The following GNAO1 variants were observed in gnomAD, a reference collection of about 807,000 sequenced individuals.
The protein encoded by GNAO1 is guanine nucleotide-binding protein G(o) subunit alpha.
For missense variants in GNAO1, 166 were observed against 478.7 expected (o/e 0.35, Z 6.10); for synonymous variants, 164 against 180.7 (o/e 0.91, Z 0.74).
intron 2 of GNAO1, chr16:56,235,358 G>A (rs1426156172): frequency 2.2e-6 from 1 of 456,062 alleles, no homozygotes; most frequent in East Asian, 6.9e-5. Flanking sequence ...AGATGAAGAA[G>A]TTGAATCCTG....
chr16:56,192,504 A>G, intron 1 of GNAO1, 70 bp from the exon 2 acceptor site: 1 of 654,128 alleles, frequency 1.5e-6, no homozygotes, highest in Non-Finnish European at 2.8e-6. Context: ...CGCATGCCTT[A>G]GTCCCCCCCT....
At chr16:56,276,146 G>C in intron 3 of GNAO1, 74 bp downstream of exon 3, 1 of 1,323,946 alleles carries the variant, frequency 7.6e-7, no homozygotes, top group Non-Finnish European at 1.0e-6. Context: ...TCTTTATAGT[G>C]CTGGGCTGCC....
intron 3 of GNAO1, among the ~76,000 whole-genome samples, chr16:56,316,291 T>C (rs2037508906): frequency 6.6e-6 from 1 of 152,154 alleles, no homozygotes; most frequent in Non-Finnish European, 1.5e-5. Context: ...TGCCAGGCTC[T>C]ATGGGGAAGC....
intron 2 of GNAO1, among the ~76,000 whole-genome samples, chr16:56,200,908 C>T (rs545478471): frequency 7.2e-5 from 11 of 152,186 alleles, no homozygotes; most frequent in Non-Finnish European, 1.5e-4. Flanking sequence ...TTTCAGATTG[C>T]AACAGAGAGA....
At chr16:56,216,614 G>A (rs1301745919) in intron 2 of GNAO1, among the ~76,000 whole-genome samples, 3 of 152,194 alleles carry the variant, frequency 2.0e-5, no homozygotes, top group African/African-American at 7.2e-5. Flanking sequence ...ATAAAATGGC[G>A]ATAAGACCTG....
intron 2 of GNAO1, among the ~76,000 whole-genome samples, chr16:56,272,367 A>C (rs1331122673): frequency 6.6e-6 from 1 of 152,226 alleles, no homozygotes; most frequent in Admixed American, 6.5e-5. Flanking sequence ...TCTAGTCTTA[A>C]GTATTTATTA....
At chr16:56,284,147 C>T (rs538550001) in intron 3 of GNAO1, among the ~76,000 whole-genome samples, 1 of 152,342 alleles carries the variant, frequency 6.6e-6, no homozygotes, top group Non-Finnish European at 1.5e-5. Flanking sequence ...ATGCTTACTT[C>T]CTGGGGAAGT....
Position 56,341,275 on chromosome 16 carries a change from T to TGACGA in GNAO1, c.723+4422_723+4426dup, listed in dbSNP as rs540216894. On this transcript the variant is annotated intron_variant, in intron 6 of 8. Coordinates refer to ENST00000262493, the MANE Select transcript of GNAO1 (RefSeq NM_020988.3). ...ACTGTCTGCGCACAGGGGCTCTCTG[T>TGACGA]GACGAGACGAGCAAACGCCGAGAAG... Among the ~76,000 whole-genome samples, 362 of 152,218 alleles carry TGACGA rather than the reference T, an allele frequency of 2.4e-3. 2 individuals carry two copies. Among genetic ancestry groups the TGACGA allele is most frequent in the Non-Finnish European group, 4.2e-3 (287 of 68,006 alleles).
At chr16:56,352,725 A>G (rs1328318905) in intron 7 of GNAO1, 1 of 152,308 alleles carries the variant, frequency 6.6e-6, no homozygotes, top group Admixed American at 6.5e-5. Flanking sequence ...TCTGAGCACA[A>G]ACCGTGTCCT....
At chr16:56,331,850 G>C (rs1355538116) in intron 4 of GNAO1, among the ~76,000 whole-genome samples, 1 of 152,154 alleles carries the variant, frequency 6.6e-6, no homozygotes, top group Admixed American at 6.5e-5. Flanking sequence ...GACATCAAAT[G>C]AGTCTCAAGT....
intron 2 of GNAO1, among the ~76,000 whole-genome samples, chr16:56,212,564 T>C (rs1237069238): frequency 6.6e-6 from 1 of 152,178 alleles, no homozygotes; most frequent in African/African-American, 2.4e-5. Context: ...GTCACAATAG[T>C]GTGTAGAGCA....
chr16:56,272,182 G>A (rs369627472), intron 2 of GNAO1, among the ~76,000 whole-genome samples: 17 of 152,150 alleles, frequency 1.1e-4, no homozygotes, highest in Admixed American at 5.2e-4. Context: ...GGTGGCGGGC[G>A]CCTGTAGTCC....
In GNAO1 at chr16:56,214,064, T is replaced by C. The variant is rs11646340; in HGVS notation, c.161+21448T>C. 9.1e-3 allele frequency among the ~76,000 whole-genome samples: 1,384 copies of C among 152,170 alleles called. 20 individuals carry two copies. Among genetic ancestry groups the C allele is most frequent in the African/African-American group, 0.031 (1,288 of 41,520 alleles). Reference sequence around the variant, plus strand: ...GAGGGACATGGAAGGGAAGGATCCCTTCCATGAATGAAGGGGGTTGACTCT... The same window carrying C: ...GAGGGACATGGAAGGGAAGGATCCCCTCCATGAATGAAGGGGGTTGACTCT... On this transcript the variant is annotated intron_variant, in intron 2 of 8. Transcript: ENST00000262493.
chr16:56,204,082 G>T (rs1235873888), intron 2 of GNAO1, among the ~76,000 whole-genome samples: 1 of 152,170 alleles, frequency 6.6e-6, no homozygotes, highest in Non-Finnish European at 1.5e-5. Context: ...AGATTTTGGA[G>T]GCAGGAGAGA....
intron 3 of GNAO1, among the ~76,000 whole-genome samples, chr16:56,300,036 T>TGTGTGTGTGTGTGTGTGCGCGC (rs753591618): frequency 3.2e-5 from 3 of 95,112 alleles, no homozygotes; most frequent in African/African-American, 9.5e-5. Context: ...TGTGTGTGTG[T>TGTGTGTGTGTGTGTGTGCGCGC]GCGCGCGCGC....
chr16:56,316,992 C>T (rs1162925883), intron 3 of GNAO1, among the ~76,000 whole-genome samples: 2 of 152,180 alleles, frequency 1.3e-5, no homozygotes, highest in Non-Finnish European at 2.9e-5. Context: ...AGTCGCCTTC[C>T]CACCCCCTGG....
At chr16:56,350,266 G>T (rs1289002647) in intron 6 of GNAO1, among the ~76,000 whole-genome samples, 1 of 152,206 alleles carries the variant, frequency 6.6e-6, no homozygotes, top group Admixed American at 6.5e-5. Context: ...TTCAGAGGTA[G>T]AGTTTAGCCT....
rs964224810 is a variant in GNAO1 at position 56,311,373 on chromosome 16, C to T, written c.304-17258C>T. On this transcript the variant is annotated intron_variant, in intron 3 of 8. Transcript: ENST00000262493. The surrounding 1 kb of genome is among the most constrained non-coding windows in gnomAD (Gnocchi z 5.2). ...TAGGAGCTGCAGTGCCAACCTCTCA[C>T]CCAGTGAGCCCTGTGCAGCTCTTCC... 6.6e-5 allele frequency among the ~76,000 whole-genome samples: 10 copies of T among 152,220 alleles called. No individual in the cohort carries two copies. The highest frequency in any genetic ancestry group is 2.4e-4 in the African/African-American group (10 of 41,518).
intron 3 of GNAO1, among the ~76,000 whole-genome samples, chr16:56,320,858 A>G (rs1382281598): frequency 6.6e-6 from 1 of 151,942 alleles, no homozygotes; most frequent in Non-Finnish European, 1.5e-5. Context: ...AGAGGGACCC[A>G]CTCCTTCATG....
Sources: gnomAD v4.1 joint callset for allele counts (sites outside exome capture counted in the v4.1 genomes callset) on GRCh38, gnomAD v4.1.1 for gene constraint, Gnocchi (gnomAD v3.1) non-coding constraint, MANE v1.5 for transcripts, NCBI Gene and HGNC (gene_info 2026-07-23, HGNC 2026-07-21) for gene names.